CEP192: variants seen among roughly 807,000 people sequenced by gnomAD.
CEP192 encodes centrosomal protein of 192 kDa.
CEP192 carries 151 observed loss-of-function variants against 271.8 expected under a neutral mutation model. The observed-to-expected ratio is 0.56, with a 90% CI of 0.49 to 0.64. The LOEUF is 0.64. Among genes scored for constraint, CEP192 ranks in the 30% least tolerant of loss-of-function variants. The pLI, the probability that CEP192 is intolerant of heterozygous loss-of-function variation, is 0.00. For missense variants in CEP192, 2,910 were observed against 3,020.5 expected (o/e 0.96, Z 0.86); for synonymous variants, 995 against 1,076.5 (o/e 0.92, Z 1.48).
At chr18:13,008,318 GCTAGA>G (rs1401609034) in intron 3 of CEP192, 133 bp from the exon 4 acceptor site, 1 of 653,804 alleles carries the variant, frequency 1.5e-6, no homozygotes, top group East Asian at 2.8e-5. Context: ...TAGTTTTCTG[GCTAGA>G]CTCAAATGTT....
At chr18:13,117,490 A>G in intron 43 of CEP192, 95 bp from the exon 44 acceptor site, 3 of 890,274 alleles carry the variant, frequency 3.4e-6, no homozygotes, top group Admixed American at 2.2e-5. Flanking sequence ...TAAATTTACA[A>G]AATGTATCTG....
chr18:13,082,457 T>TTTTTTTC (rs2038667477), intron 30 of CEP192, among the ~76,000 whole-genome samples: 1 of 129,210 alleles, frequency 7.7e-6, no homozygotes. Context: ...TTTTTTTTTT[T>TTTTTTTC]GCTTTCCTTT....
intron 37 of CEP192, among the ~76,000 whole-genome samples, 159 bp downstream of exon 37, chr18:13,099,740 G>C (rs2039619163): frequency 6.6e-6 from 1 of 152,172 alleles, no homozygotes; most frequent in African/African-American, 2.4e-5. Flanking sequence ...ACCAACCACA[G>C]ATTGAAATTA....
intron 1 of CEP192, among the ~76,000 whole-genome samples, chr18:12,994,424 G>A (rs1254582821): frequency 1.3e-5 from 2 of 152,002 alleles, no homozygotes; most frequent in African/African-American, 4.8e-5. Flanking sequence ...TGGTGAATGA[G>A]CCTGAGAGGG....
At position 13,059,072 on chromosome 18, in the gene CEP192, T is replaced by G. The variant is rs2037269355; in HGVS notation, c.4258-10T>G. 6.3e-7 allele frequency: 1 copy of G among 1,593,862 alleles called. No individual in the cohort carries two copies. Among genetic ancestry groups the G allele is most frequent in the Non-Finnish European group, 8.6e-7 (1 of 1,161,928 alleles). ...CCATTAATAACGAACTTTATGGCTCTTTTTTGAAGGTGGATCTTTCAACAT... is the reference window on the plus strand; with the variant it reads ...CCATTAATAACGAACTTTATGGCTCGTTTTTGAAGGTGGATCTTTCAACAT... On this transcript the variant is annotated splice_polypyrimidine_tract_variant and intron_variant, in intron 20 of 44. Transcript: ENST00000506447.
At chr18:13,021,797 T>C (rs1303890058) in intron 9 of CEP192, among the ~76,000 whole-genome samples, 7 of 152,230 alleles carry the variant, frequency 4.6e-5, no homozygotes, top group Non-Finnish European at 8.8e-5. Flanking sequence ...CAGTGTTTTG[T>C]AGCTTTCAGT....
chr18:13,107,506 T>G (rs2144986767), intron 40 of CEP192, among the ~76,000 whole-genome samples: 1 of 152,348 alleles, frequency 6.6e-6, no homozygotes, highest in African/African-American at 2.4e-5. Flanking sequence ...ATCTGAAAGC[T>G]TGGTTTTCAT....
At chr18:13,112,669 C>A (rs1467292923) in intron 40 of CEP192, among the ~76,000 whole-genome samples, 1 of 152,182 alleles carries the variant, frequency 6.6e-6, no homozygotes, top group African/African-American at 2.4e-5. Flanking sequence ...AGTGTCCAAG[C>A]CCCTGGTGGT....
At chr18:13,017,565 T>A (rs972634435) in intron 7 of CEP192, among the ~76,000 whole-genome samples, 1 of 152,208 alleles carries the variant, frequency 6.6e-6, no homozygotes, top group African/African-American at 2.4e-5. Flanking sequence ...TACACCCTCT[T>A]CCTCCAGTTA....
At chr18:13,066,517 C>G (rs2037708047) in intron 21 of CEP192, among the ~76,000 whole-genome samples, 1 of 152,152 alleles carries the variant, frequency 6.6e-6, no homozygotes, top group Non-Finnish European at 1.5e-5. Flanking sequence ...GTGTCCTAGT[C>G]TTTGGAAGCG....
rs1251424799 is a variant in CEP192 at position 13,084,518 on chromosome 18, G to T, written c.5617-2499G>T. Among the ~76,000 whole-genome samples the T allele has an allele frequency of 3.3e-5, 5 of 152,302 alleles. No individual in the cohort carries two copies. In the South Asian group the frequency reaches 8.3e-4, roughly 25 times the overall value. ...GGGCGGGATTGTCCCGATTTTCCAG[G>T]TACAGTCTGTCACAGCTTCCCTTGG... On this transcript the variant is annotated intron_variant, in intron 30 of 44. Coordinates refer to ENST00000506447, the MANE Select transcript of CEP192 (RefSeq NM_032142.4).
At chr18:13,085,454 C>T (rs2038852967) in intron 30 of CEP192, among the ~76,000 whole-genome samples, 1 of 152,170 alleles carries the variant, frequency 6.6e-6, no homozygotes, top group Admixed American at 6.5e-5. Flanking sequence ...GGTGTTTAGT[C>T]ATGAAGTCTT....
chr18:13,012,576 T>C (rs995363259), intron 4 of CEP192, among the ~76,000 whole-genome samples: 1 of 152,212 alleles, frequency 6.6e-6, no homozygotes, highest in South Asian at 2.1e-4. Context: ...GGTTTTGTTA[T>C]GCTGCAGCAC....
At chr18:13,107,453 C>G (rs989348891) in intron 40 of CEP192, among the ~76,000 whole-genome samples, 1 of 152,252 alleles carries the variant, frequency 6.6e-6, no homozygotes, top group African/African-American at 2.4e-5. Flanking sequence ...TGATGTCCCT[C>G]TCTGGGCTGA....
intron 5 of CEP192, among the ~76,000 whole-genome samples, chr18:13,014,757 A>G (rs2034548428): frequency 6.6e-6 from 1 of 152,038 alleles, no homozygotes; most frequent in Admixed American, 6.6e-5. Context: ...ATCAGTGCGC[A>G]TTTTCCAATA....
intron 3 of CEP192, among the ~76,000 whole-genome samples, chr18:13,007,150 C>T (rs1242853207): frequency 6.6e-6 from 1 of 152,188 alleles, no homozygotes; most frequent in African/African-American, 2.4e-5. Flanking sequence ...CTGCACACCC[C>T]ATCTGCTTTT....
chr18:13,094,023 C>CTTACAA (rs2039274971), intron 34 of CEP192, among the ~76,000 whole-genome samples: 1 of 152,208 alleles, frequency 6.6e-6, no homozygotes, highest in Non-Finnish European at 1.5e-5. Context: ...GAGTCCAGGC[C>CTTACAA]AGTTACTTTG....
At position 13,071,230 on chromosome 18, in the gene CEP192, A is replaced by T; in HGVS notation, c.5348+18A>T. The T allele has an allele frequency of 6.3e-7, 1 of 1,599,534 alleles. No homozygotes were observed. The highest frequency in any genetic ancestry group is 8.5e-7 in the Non-Finnish European group (1 of 1,170,344). Reference sequence around the variant, plus strand: ...AGAACACAGTAAGTGTCAAAGACTGACAAATCGTCCACTATTTATACATAT... The same window carrying T: ...AGAACACAGTAAGTGTCAAAGACTGTCAAATCGTCCACTATTTATACATAT... On this transcript the variant is annotated intron_variant, in intron 28 of 44. Coordinates refer to ENST00000506447, the MANE Select transcript of CEP192 (RefSeq NM_032142.4).
intron 44 of CEP192, among the ~76,000 whole-genome samples, chr18:13,119,161 T>C (rs558552010): frequency 6.6e-6 from 1 of 152,236 alleles, no homozygotes; most frequent in East Asian, 1.9e-4. Context: ...AAAAAGATCA[T>C]TTAAATTTCT....
Sources: allele counts gnomAD v4.1 joint callset (sites outside exome capture counted in the v4.1 genomes callset), GRCh38; gene constraint gnomAD v4.1.1; transcripts MANE v1.5; gene names NCBI Gene and HGNC (gene_info 2026-07-23, HGNC 2026-07-21).